SPOCK3: variants seen among roughly 807,000 people sequenced by gnomAD.
SPOCK3 encodes testican-3.
SPOCK3 carries 30 observed loss-of-function variants against 56.6 expected under a neutral mutation model. That is an observed-to-expected ratio of 0.53 (90% CI 0.40 to 0.72). The LOEUF is 0.72. Ranked by LOEUF, SPOCK3 falls within the 30% of genes least tolerant of loss-of-function variation. SPOCK3 has a pLI of 0.00. For missense variants in SPOCK3, 527 were observed against 530.0 expected (o/e 0.99, Z 0.06); for synonymous variants, 196 against 183.3 (o/e 1.07, Z -0.56).
intron 2 of SPOCK3, among the ~76,000 whole-genome samples, chr4:167,149,179 A>C (rs1764207135): frequency 6.6e-6 from 1 of 152,144 alleles, no homozygotes; most frequent in Non-Finnish European, 1.5e-5. Context: ...TATATCATTC[A>C]GTTCTCTCAG....
intron 8 of SPOCK3, among the ~76,000 whole-genome samples, chr4:166,745,068 G>T (rs147966387): frequency 2.6e-5 from 4 of 152,180 alleles, no homozygotes; most frequent in African/African-American, 4.8e-5. Flanking sequence ...CACTCTGCAC[G>T]ATATTAACCA....
chr4:166,833,867 C>T (rs996446531), intron 6 of SPOCK3, among the ~76,000 whole-genome samples: 1 of 152,142 alleles, frequency 6.6e-6, no homozygotes, highest in African/African-American at 2.4e-5. Flanking sequence ...ATGTCACCTG[C>T]CCCCTCTTGG....
intron 3 of SPOCK3, among the ~76,000 whole-genome samples, chr4:167,032,669 AAAG>A (rs1329733680): frequency 6.6e-6 from 1 of 151,968 alleles, no homozygotes. Context: ...TTTATAAAAA[AAAG>A]AAAATACTGC....
chr4:166,775,640 C>G (rs986934716), intron 7 of SPOCK3, among the ~76,000 whole-genome samples: 1 of 152,124 alleles, frequency 6.6e-6, no homozygotes, highest in African/African-American at 2.4e-5. Context: ...GAAAAAGTAT[C>G]AAGTCTTTGG....
chr4:166,996,460 T>C (rs1366281498), intron 4 of SPOCK3, among the ~76,000 whole-genome samples: 1 of 152,180 alleles, frequency 6.6e-6, no homozygotes, highest in Non-Finnish European at 1.5e-5. Context: ...CATCTTCAGA[T>C]CTTTCCCCAA....
intron 2 of SPOCK3, among the ~76,000 whole-genome samples, chr4:167,184,262 A>G (rs921839502): frequency 3.3e-5 from 5 of 152,320 alleles, no homozygotes; most frequent in African/African-American, 1.2e-4. Flanking sequence ...ACTAAATTTA[A>G]TCAAGAAACA....
intron 7 of SPOCK3, among the ~76,000 whole-genome samples, chr4:166,773,288 C>G (rs1201187018): frequency 6.6e-6 from 1 of 151,980 alleles, no homozygotes; most frequent in African/African-American, 2.4e-5. Flanking sequence ...TAAGCAAAAC[C>G]TTTGTAAGTT....
intron 2 of SPOCK3, among the ~76,000 whole-genome samples, chr4:167,131,454 T>C (rs1280389275): frequency 6.6e-6 from 1 of 151,874 alleles, no homozygotes; most frequent in African/African-American, 2.4e-5. Flanking sequence ...GGGTGTGAAA[T>C]TAGCTGGCTG....
chr4:166,864,544 A>C (rs1731584388), intron 6 of SPOCK3, among the ~76,000 whole-genome samples: 1 of 152,192 alleles, frequency 6.6e-6, no homozygotes, highest in Non-Finnish European at 1.5e-5. Flanking sequence ...AGCAAGAATA[A>C]TAAAGAAGAA....
intron 2 of SPOCK3, among the ~76,000 whole-genome samples, chr4:167,079,176 T>G (rs1161335155): frequency 6.6e-6 from 1 of 151,920 alleles, no homozygotes; most frequent in Non-Finnish European, 1.5e-5. Flanking sequence ...CATTGAAACA[T>G]CTGTGAATAT....
intron 6 of SPOCK3, among the ~76,000 whole-genome samples, chr4:166,839,912 T>A (rs2126823982): frequency 6.6e-6 from 1 of 152,334 alleles, no homozygotes; most frequent in Admixed American, 6.5e-5. Flanking sequence ...GAGGGGCTAA[T>A]TTCACTTCGG....
chr4:166,819,667 C>T (rs1744721577), intron 6 of SPOCK3, among the ~76,000 whole-genome samples: 1 of 151,622 alleles, frequency 6.6e-6, no homozygotes, highest in Admixed American at 6.6e-5. Context: ...TTAACATGTA[C>T]ACACTGAAAC....
chr4:167,015,878 A>T (rs991361198), intron 3 of SPOCK3, among the ~76,000 whole-genome samples: 1 of 152,128 alleles, frequency 6.6e-6, no homozygotes, highest in Admixed American at 6.6e-5. Flanking sequence ...TTATTTACTA[A>T]AGAACTGCAT....
intron 6 of SPOCK3, among the ~76,000 whole-genome samples, chr4:166,817,474 T>C (rs561100133): frequency 6.6e-6 from 1 of 152,124 alleles, no homozygotes; most frequent in Non-Finnish European, 1.5e-5. Flanking sequence ...CCGTAGAGTA[T>C]TGTATCCCAA....
At chr4:166,909,595 G>GA (rs1737035170) in intron 5 of SPOCK3, among the ~76,000 whole-genome samples, 1 of 152,030 alleles carries the variant, frequency 6.6e-6, no homozygotes, top group African/African-American at 2.4e-5. Flanking sequence ...TCCACAGCAA[G>GA]ACTGCACTTC....
At chr4:166,950,040 T>C (rs1231942999) in intron 4 of SPOCK3, among the ~76,000 whole-genome samples, 1 of 148,996 alleles carries the variant, frequency 6.7e-6, no homozygotes, top group African/African-American at 2.5e-5. Flanking sequence ...ACGAGCAAAA[T>C]AACCAGCTAA....
intron 7 of SPOCK3, among the ~76,000 whole-genome samples, chr4:166,790,854 G>A (rs1741265610): frequency 6.6e-6 from 1 of 152,170 alleles, no homozygotes. Flanking sequence ...AAAAACAGGT[G>A]TGAACATGAA....
At chr4:167,017,233 C>T (rs1750712377) in intron 3 of SPOCK3, among the ~76,000 whole-genome samples, 1 of 152,108 alleles carries the variant, frequency 6.6e-6, no homozygotes, top group Non-Finnish European at 1.5e-5. Flanking sequence ...CCCTGTGTTA[C>T]TGTTACCATT....
intron 3 of SPOCK3, among the ~76,000 whole-genome samples, chr4:167,061,497 T>C (rs936012879): frequency 4.6e-5 from 7 of 151,980 alleles, no homozygotes; most frequent in African/African-American, 1.7e-4. Flanking sequence ...TCAGACTCCA[T>C]GTTAATACCA....
Sources: allele counts gnomAD v4.1 joint callset (sites outside exome capture counted in the v4.1 genomes callset), GRCh38; gene constraint gnomAD v4.1.1; transcripts MANE v1.5; gene names NCBI Gene and HGNC (gene_info 2026-07-23, HGNC 2026-07-21).